CPVL: variants seen among roughly 807,000 people sequenced by gnomAD.
CPVL encodes the protein carboxypeptidase vitellogenic like.
In CPVL, 51 loss-of-function variants were observed where a neutral mutation model predicts 63.7. The observed-to-expected ratio is 0.80, with a 90% CI of 0.64 to 1.01. CPVL has a LOEUF of 1.01. Among genes scored for constraint, CPVL ranks in the 50% least tolerant of loss-of-function variants. The probability of loss-of-function intolerance (pLI) is 0.00; values close to 1 mark genes in which losing one functional copy is unlikely to be tolerated. For synonymous variants in CPVL, 195 were observed against 206.0 expected, an observed-to-expected ratio of 0.95 and a Z score of 0.46; for missense variants, 530 against 573.1, an observed-to-expected ratio of 0.92 and a Z score of 0.77.
intron 5 of CPVL, among the ~76,000 whole-genome samples, chr7:29,154,469 A>G (rs1452395334): frequency 3.3e-5 from 5 of 152,178 alleles, no homozygotes; most frequent in African/African-American, 4.8e-5. Context: ...TTTCAAAAAC[A>G]TAAAAAGAGA....
chr7:29,004,115 T>C (rs942357288), intron 12 of CPVL, among the ~76,000 whole-genome samples: 3 of 152,118 alleles, frequency 2.0e-5, no homozygotes, highest in Admixed American at 6.5e-5. Flanking sequence ...TACATAAACA[T>C]AAAGGATAGA....
intron 5 of CPVL, among the ~76,000 whole-genome samples, chr7:29,172,395 A>C (rs1464835809): frequency 1.3e-5 from 2 of 152,200 alleles, no homozygotes; most frequent in African/African-American, 4.8e-5. Flanking sequence ...ATCAGTGTCT[A>C]AAGTTTTCTT....
intron 7 of CPVL, among the ~76,000 whole-genome samples, chr7:29,079,864 G>T (rs536518314): frequency 6.6e-6 from 1 of 152,190 alleles, no homozygotes; most frequent in Non-Finnish European, 1.5e-5. Context: ...ATGCAAACAT[G>T]TTGAGAGTCC....
At chr7:29,177,800 T>C (rs969402739) in intron 5 of CPVL, among the ~76,000 whole-genome samples, 1 of 152,132 alleles carries the variant, frequency 6.6e-6, no homozygotes. Flanking sequence ...TATCTGTTCT[T>C]TCATTCATTC....
At chr7:29,114,479 C>G (rs1391449665) in intron 2 of CPVL, among the ~76,000 whole-genome samples, 2 of 152,006 alleles carry the variant, frequency 1.3e-5, no homozygotes, top group Non-Finnish European at 2.9e-5. Flanking sequence ...AGTGGCATGC[C>G]TCTTAGCTGA....
At chr7:29,097,564 C>T (rs1016156255) in intron 3 of CPVL, among the ~76,000 whole-genome samples, 7 of 152,080 alleles carry the variant, frequency 4.6e-5, no homozygotes, top group African/African-American at 1.2e-4. Context: ...GGCGTGATGG[C>T]GGGTACCTGT....
intron 3 of CPVL, among the ~76,000 whole-genome samples, chr7:29,185,100 T>G (rs2128747607): frequency 6.6e-6 from 1 of 152,306 alleles, no homozygotes; most frequent in Non-Finnish European, 1.5e-5. Flanking sequence ...CCAAACCAAT[T>G]TTTCTAGCTG....
In CPVL at chr7:29,045,670, T is replaced by C. The variant is rs151174015; in HGVS notation, c.1138-14911A>G. 3.2e-3 allele frequency among the ~76,000 whole-genome samples: 483 copies of C among 152,370 alleles called. 3 individuals carry two copies. Among genetic ancestry groups the C allele is most frequent in the African/African-American group, 0.011 (458 of 41,584 alleles). On this transcript the variant is annotated intron_variant, in intron 11 of 12. Transcript: ENST00000265394. ...GTCCAACTAACAGTTGAAGAATTAG[T>C]ATCATTTAAGTGTTAAATTTTTCTT...
chr7:29,151,946 A>G (rs1793652891), intron 5 of CPVL, among the ~76,000 whole-genome samples: 1 of 152,190 alleles, frequency 6.6e-6, no homozygotes, highest in Admixed American at 6.5e-5. Context: ...ATAGTAAACA[A>G]ACTCCCTTAG....
chr7:29,000,467 GT>G (rs1784512405), intron 12 of CPVL, among the ~76,000 whole-genome samples: 1 of 150,862 alleles, frequency 6.6e-6, no homozygotes, highest in East Asian at 2.0e-4. Context: ...GCATGAAACT[GT>G]GGGCACGTGC....
At chr7:29,060,933 T>C (rs1791212085) in intron 11 of CPVL, among the ~76,000 whole-genome samples, 1 of 152,198 alleles carries the variant, frequency 6.6e-6, no homozygotes, top group Non-Finnish European at 1.5e-5. Context: ...AGGTTCAACA[T>C]CATTAACAGA....
chr7:29,020,221 GAGGCAGCC>G (rs1448007631), intron 12 of CPVL, among the ~76,000 whole-genome samples: 5 of 152,150 alleles, frequency 3.3e-5, no homozygotes, highest in Non-Finnish European at 5.9e-5. Flanking sequence ...ACAGGTGGTG[GAGGCAGCC>G]ATCAAATAAT....
chr7:29,161,687 CTTAAAAA>C (rs1267260010), intron 5 of CPVL, among the ~76,000 whole-genome samples: 1 of 152,066 alleles, frequency 6.6e-6, no homozygotes, highest in East Asian at 1.9e-4. Flanking sequence ...AAAATAGATA[CTTAAAAA>C]TTAAAAACTT....
At chr7:29,190,867 C>T (rs1782799642) in intron 1 of CPVL, among the ~76,000 whole-genome samples, 1 of 151,840 alleles carries the variant, frequency 6.6e-6, no homozygotes. Context: ...ATCCACTGAG[C>T]ACCTATTGTA....
intron 2 of CPVL, among the ~76,000 whole-genome samples, chr7:29,116,691 CAGTAAAAT>C (rs1330728113): frequency 6.6e-6 from 1 of 152,122 alleles, no homozygotes; most frequent in Non-Finnish European, 1.5e-5. Context: ...TAGGACCTAC[CAGTAAAAT>C]AGTCTTTAAA....
At chr7:29,155,028 C>G (rs576222742) in intron 5 of CPVL, among the ~76,000 whole-genome samples, 1 of 152,160 alleles carries the variant, frequency 6.6e-6, no homozygotes, top group South Asian at 2.1e-4. Context: ...AGGGAAACTC[C>G]CCTCTTTAAA....
chr7:29,028,753 C>T (rs1203828518), intron 12 of CPVL, among the ~76,000 whole-genome samples: 6 of 152,184 alleles, frequency 3.9e-5, no homozygotes, highest in South Asian at 2.1e-4. Flanking sequence ...ATCACGAGGT[C>T]AGGAGATCGA....
At chr7:29,147,362 G>C (rs1462939317), upstream of CPVL, 3 of 169,674 alleles carry the variant, frequency 1.8e-5, no homozygotes, top group African/African-American at 7.1e-5. Context: ...AGCTGCAGGA[G>C]TGAGCCCAGG....
chr7:29,161,527 T>C (rs1347242597), intron 5 of CPVL, among the ~76,000 whole-genome samples: 1 of 152,204 alleles, frequency 6.6e-6, no homozygotes, highest in Non-Finnish European at 1.5e-5. Flanking sequence ...TACCCATTCA[T>C]GCTCCTGGTC....
Sources: gnomAD v4.1 joint callset for allele counts (sites outside exome capture counted in the v4.1 genomes callset) on GRCh38, gnomAD v4.1.1 for gene constraint, MANE v1.5 for transcripts, NCBI Gene and HGNC (gene_info 2026-07-23, HGNC 2026-07-21) for gene names.